The following RRP1B variants were observed in gnomAD, a reference collection of about 807,000 sequenced individuals.
RRP1B encodes the protein ribosomal RNA processing 1B, also known as ribosomal RNA processing protein 1 homolog B.
Under a neutral mutation model 80.2 loss-of-function variants are expected in RRP1B, and 56 were observed. The observed-to-expected ratio is 0.70, with a 90% confidence interval of 0.56 to 0.87. The LOEUF is 0.87. Among genes scored for constraint, RRP1B ranks in the 40% least tolerant of loss-of-function variants. The pLI is 0.00. For synonymous variants in RRP1B, 351 were observed against 357.6 expected (o/e 0.98, Z 0.21); for missense variants, 807 against 939.8 (o/e 0.86, Z 1.85).
In RRP1B at chr21:43,659,886, C is replaced by A. The variant is rs535206580; in HGVS notation, c.130+92C>A. On this transcript the variant is annotated intron_variant, in intron 1 of 15. Transcript: ENST00000340648. The surrounding 1 kb of genome is among the most constrained non-coding windows in gnomAD (Gnocchi z 4.2). ...AGGGCCCCGGCACGGAATGCGGCTT[C>A]CACGTGTTGTCGTGACACCCAGCGT... 6.9e-6 allele frequency: 9 copies of A among 1,305,120 alleles called. No homozygotes were observed. In the African/African-American group the frequency reaches 1.4e-4, roughly 20 times the overall value. The allele number at this position is 1,305,120 out of a possible 1,614,324, so 80.8% of individuals were successfully genotyped here. A position where few individuals can be genotyped will look rare whatever the true frequency, so the allele number is the denominator to read the frequency against.
Position 43,693,382 on chromosome 21 carries a change from G to T in RRP1B, c.2276G>T (p.Ter759LeuextTer29). Residue 759 changes from the stop codon to leucine, a stop_lost, in exon 16 of 16, where the codon TGA becomes TTA. Coordinates refer to ENST00000340648, the MANE Select transcript of RRP1B (RefSeq NM_015056.3). The surrounding 1 kb of genome is among the most constrained non-coding windows in gnomAD (Gnocchi z 4.1). ...RRRPRAMDFF* is the reference protein window; with the variant it reads ...RRRPRAMDFFL ...AGGCCCAGGGCTATGGATTTCTTCT[G>T]AGGAGCAGCAGAGTCCCTTGTAAAA... 6.4e-7 allele frequency: 1 copy of T among 1,566,238 alleles called. No individual in the cohort carries two copies. Among genetic ancestry groups the T allele is most frequent in the Non-Finnish European group, 8.6e-7 (1 of 1,157,152 alleles).
At chr21:43,690,467 G>A in intron 14 of RRP1B, 27 bp downstream of exon 14, 1 of 1,609,728 alleles carries the variant, frequency 6.2e-7, no homozygotes, top group East Asian at 2.2e-5. Context: ...GAGTGGCACA[G>A]CACATTTCAC....
intron 11 of RRP1B, 35 bp downstream of exon 11, chr21:43,685,824 T>A (rs771817894): frequency 6.3e-7 from 1 of 1,589,456 alleles, no homozygotes; most frequent in Non-Finnish European, 8.6e-7. Context: ...TCATGGTGTT[T>A]TTCGTGAATA....
In RRP1B at chr21:43,673,634, CAAAAAAA is replaced by C. The variant is rs557525643; in HGVS notation, c.272-222_272-216del. Among the ~76,000 whole-genome samples the C allele has an allele frequency of 2.3e-4, 15 of 66,118 alleles. 1 individual carries two copies. The highest frequency in any genetic ancestry group is 7.9e-3 in the Middle Eastern group (1 of 126). 43.4% of individuals were successfully genotyped at this position (66,118 alleles called of 152,430 possible). On this transcript the variant is annotated intron_variant, in intron 3 of 15. Coordinates refer to ENST00000340648, the MANE Select transcript of RRP1B (RefSeq NM_015056.3). ...GGGCCACAGAGTGGGACCCCGTCTC[CAAAAAAA>C]AAAAAAAAAAAAAGTAAAAGATCTG...
intron 9 of RRP1B, among the ~76,000 whole-genome samples, chr21:43,684,345 A>G (rs2083055335): frequency 2.0e-5 from 3 of 152,096 alleles, no homozygotes; most frequent in Admixed American, 2.0e-4. Flanking sequence ...TGCTGGGATT[A>G]CAGGCATGAG....
At position 43,691,130 on chromosome 21, in the gene RRP1B, G is replaced by A. The variant is rs150036203; in HGVS notation, c.2020-309G>A. 1.2e-4 allele frequency among the ~76,000 whole-genome samples: 19 copies of A among 152,250 alleles called. No homozygotes were observed. The highest frequency in any genetic ancestry group is 4.3e-4 in the African/African-American group (18 of 41,526). On this transcript the variant is annotated intron_variant, in intron 14 of 15. Coordinates refer to ENST00000340648, the MANE Select transcript of RRP1B (RefSeq NM_015056.3). This position sits in a 1 kb window ranked among gnomAD's most constrained non-coding sequence, Gnocchi z 4.2. Reference sequence around the variant, plus strand: ...TCTGTTTGCCTTTCTTCCCTGGATCGTAGAACCCTGCAGCGGTAATGAGGC... The same window carrying A: ...TCTGTTTGCCTTTCTTCCCTGGATCATAGAACCCTGCAGCGGTAATGAGGC...
rs534618742 is a variant in RRP1B at position 43,693,529 on chromosome 21, C to T, written c.*146C>T. 15 of 723,776 alleles carry T rather than the reference C, an allele frequency of 2.1e-5. No homozygotes were observed. The highest frequency in any genetic ancestry group is 1.6e-4 in the East Asian group (5 of 32,166). 44.8% of individuals were successfully genotyped at this position (723,776 alleles called of 1,614,324 possible). On this transcript the variant is annotated 3_prime_UTR_variant, in exon 16 of 16. Transcript: ENST00000340648. This position sits in a 1 kb window ranked among gnomAD's most constrained non-coding sequence, Gnocchi z 4.1. ...TTCTGAGAGTGCCCGCAGGCTGCTG[C>T]GTCCTGGCCCCTCTGTAGTGGCTGC...
chr21:43,692,602 C>CA (rs879723593), intron 15 of RRP1B, among the ~76,000 whole-genome samples: 144 of 100,630 alleles, frequency 1.4e-3, no homozygotes, highest in Middle Eastern at 6.7e-3. Flanking sequence ...GACTCCATCT[C>CA]AAAAAAAAAA....
At position 43,691,486 on chromosome 21, in the gene RRP1B, C is replaced by T. The variant is rs574163548; in HGVS notation, c.2067C>T (p.Asn689=). The T allele has an allele frequency of 1.2e-6, 2 of 1,614,108 alleles. No homozygotes were observed. Among genetic ancestry groups the T allele is most frequent in the South Asian group, 2.2e-5 (2 of 91,070 alleles). The change falls in exon 15 of 16, where the codon AAC becomes AAT. Residue 689 remains asparagine, a synonymous_variant. Transcript: ENST00000340648. This position sits in a 1 kb window ranked among gnomAD's most constrained non-coding sequence, Gnocchi z 4.2. Reference sequence around the variant, plus strand: ...CCAAGAAAGTCACCTTTGGGCTGAACAGAAACATGACTGCCGGTAAGTGGG... The same window carrying T: ...CCAAGAAAGTCACCTTTGGGCTGAATAGAAACATGACTGCCGGTAAGTGGG... ...SSSKKVTFGL[N]RNMTAEFKKT...
intron 1 of RRP1B, among the ~76,000 whole-genome samples, chr21:43,662,370 G>A (rs935175483): frequency 6.6e-6 from 1 of 152,168 alleles, no homozygotes; most frequent in African/African-American, 2.4e-5. Flanking sequence ...AAATAACTCC[G>A]CAGCATGAAC....
intron 13 of RRP1B, among the ~76,000 whole-genome samples, chr21:43,689,255 ACT>A (rs781161787): frequency 3.3e-5 from 5 of 152,188 alleles, no homozygotes; most frequent in South Asian, 2.1e-4. Flanking sequence ...GCAGAAAATA[ACT>A]CTGCCCTTCA....
chr21:43,672,839 T>C (rs1170221675), intron 3 of RRP1B, among the ~76,000 whole-genome samples: 1 of 152,220 alleles, frequency 6.6e-6, no homozygotes, highest in Non-Finnish European at 1.5e-5. Context: ...GTAGCCGACT[T>C]CGTTTGTTCT....
intron 7 of RRP1B, 61 bp downstream of exon 7, chr21:43,676,397 C>A (rs147977714): frequency 7.2e-5 from 94 of 1,312,278 alleles, no homozygotes; most frequent in Non-Finnish European, 9.9e-5. Context: ...GAGTTACTTG[C>A]CGTCGTGCAG....
Position 43,675,157 on chromosome 21 carries a change from G to C in RRP1B, c.543G>C (p.Gly181=), listed in dbSNP as rs755868292. 6.2e-6 allele frequency: 10 copies of C among 1,613,916 alleles called. No homozygotes were observed. In the South Asian group the frequency reaches 1.1e-4, roughly 18 times the overall value. The part of the protein sequence containing the change: ...IYLDELSKVG[G]KELLADQNLK... ...TGGATGAACTCTCCAAAGTCGGGGG[G>C]AAGGAGGTAAGCAGCTGCCGACAGG... The change falls in exon 6 of 16, where the codon GGG becomes GGC. Residue 181 remains glycine (G), a synonymous_variant. Transcript: ENST00000340648.
rs1289571811 is a variant in RRP1B at position 43,688,203 on chromosome 21, G to C, written c.1829G>C (p.Gly610Ala). The change falls in exon 13 of 16, where the codon GGG becomes GCG. Residue 610 changes from glycine to alanine, a missense_variant. By Grantham distance (60) the Gly-to-Ala change is moderately conservative. Transcript: ENST00000340648. ...RVMSNLVEHN[G>A]VLESEAGQPQ... The stretch of plus-strand genomic sequence containing the variant: ...ATGTCAAACTTGGTGGAGCACAACG[G>C]GGTGCTGGAGTCCGAAGCTGGGCAA... 4.5e-6 allele frequency: 7 copies of C among 1,572,674 alleles called. No homozygotes were observed. The highest frequency in any genetic ancestry group is 5.2e-6 in the Non-Finnish European group (6 of 1,158,022).
chr21:43,694,506 A>G lies in RRP1B; in HGVS notation c.*1123A>G, dbSNP rs1233020955. 1 of 152,272 alleles carries G rather than the reference A, an allele frequency of 6.6e-6. No individual in the cohort carries two copies. The highest frequency in any genetic ancestry group is 1.9e-4 in the East Asian group (1 of 5,196). 9.4% of individuals were successfully genotyped at this position (152,272 alleles called of 1,614,324 possible). On this transcript the variant is annotated 3_prime_UTR_variant, in exon 16 of 16. Coordinates refer to ENST00000340648, the MANE Select transcript of RRP1B (RefSeq NM_015056.3). ...GGCCTGAGAGCTGGAGAAGGTGCAGATTCAAAGTGAGCGGCTCCTGAGGAG... is the reference window on the plus strand; with the variant it reads ...GGCCTGAGAGCTGGAGAAGGTGCAGGTTCAAAGTGAGCGGCTCCTGAGGAG...
chr21:43,693,741 T>C lies in RRP1B; in HGVS notation c.*358T>C, dbSNP rs575323971. 3.9e-5 allele frequency: 8 copies of C among 205,512 alleles called. No homozygotes were observed. The highest frequency in any genetic ancestry group is 3.7e-3 in the Middle Eastern group (2 of 534). 12.7% of individuals were successfully genotyped at this position (205,512 alleles called of 1,614,324 possible). Reference sequence around the variant, plus strand: ...CTGCTGGCACAATGAAAGGTGGAACTGCACTTCTGTTGAGCTCTCAGTTCT... The same window carrying C: ...CTGCTGGCACAATGAAAGGTGGAACCGCACTTCTGTTGAGCTCTCAGTTCT... On this transcript the variant is annotated 3_prime_UTR_variant, in exon 16 of 16. Coordinates refer to ENST00000340648, the MANE Select transcript of RRP1B (RefSeq NM_015056.3). The surrounding 1 kb of genome is among the most constrained non-coding windows in gnomAD (Gnocchi z 4.1).
chr21:43,682,426 A>T (rs187504970), intron 8 of RRP1B, among the ~76,000 whole-genome samples: 1 of 152,316 alleles, frequency 6.6e-6, no homozygotes, highest in East Asian at 1.9e-4. Flanking sequence ...GAGTCTGTTT[A>T]ATCTGCTTCT....
At chr21:43,676,094 A>G (rs958056303) in intron 6 of RRP1B, among the ~76,000 whole-genome samples, 178 bp from the exon 7 acceptor site, 1 of 152,120 alleles carries the variant, frequency 6.6e-6, no homozygotes, top group Non-Finnish European at 1.5e-5. Context: ...GGGCGGCCTC[A>G]GTCTTCAGCC....
Sources: allele counts gnomAD v4.1 joint callset (sites outside exome capture counted in the v4.1 genomes callset), GRCh38; gene constraint gnomAD v4.1.1; non-coding constraint Gnocchi (gnomAD v3.1); transcripts MANE v1.5; gene names NCBI Gene and HGNC (gene_info 2026-07-23, HGNC 2026-07-21).